The following CTNNA3 variants were observed in gnomAD, a reference collection of about 807,000 sequenced individuals.
CTNNA3 encodes catenin alpha-3.
CTNNA3 carries 76 observed loss-of-function variants against 95.7 expected under a neutral mutation model. The ratio of observed to expected loss-of-function variants is 0.79; its 90% CI spans 0.66 to 0.96. The LOEUF (loss-of-function observed/expected upper bound fraction) is 0.96. Among genes scored for constraint, CTNNA3 ranks in the 40% least tolerant of loss-of-function variants. The pLI, the probability that CTNNA3 is intolerant of heterozygous loss-of-function variation, is 0.00. For synonymous variants in CTNNA3, 431 were observed against 374.4 expected (o/e 1.15, Z -1.74); for missense variants, 1,191 against 1,089.8 (o/e 1.09, Z -1.31).
At chr10:67,586,617 C>G (rs989545533) in intron 3 of CTNNA3, among the ~76,000 whole-genome samples, 3 of 152,018 alleles carry the variant, frequency 2.0e-5, no homozygotes, top group African/African-American at 7.2e-5. Context: ...TGCAAGTACT[C>G]CTGCTTGCTT....
intron 5 of CTNNA3, among the ~76,000 whole-genome samples, chr10:67,474,721 T>C (rs1847939937): frequency 6.6e-6 from 1 of 152,176 alleles, no homozygotes. Context: ...GAGATACCAC[T>C]AAATTCTTGT....
At chr10:67,046,382 G>C (rs996664630) in intron 7 of CTNNA3, among the ~76,000 whole-genome samples, 1 of 152,172 alleles carries the variant, frequency 6.6e-6, no homozygotes, top group Non-Finnish European at 1.5e-5. Context: ...TGATCACTCA[G>C]TTATCTCTAC....
At chr10:65,975,246 C>A (rs1475418098) in intron 16 of CTNNA3, among the ~76,000 whole-genome samples, 2 of 152,078 alleles carry the variant, frequency 1.3e-5, no homozygotes, top group African/African-American at 4.8e-5. Flanking sequence ...GACAGAGACA[C>A]AATCAGACAA....
intron 10 of CTNNA3, among the ~76,000 whole-genome samples, chr10:66,604,246 G>A (rs1844034274): frequency 6.6e-6 from 1 of 151,940 alleles, no homozygotes. Context: ...CAAAAACAAA[G>A]AACAAAAACA....
chr10:66,918,539 G>A (rs1564765610), intron 7 of CTNNA3, among the ~76,000 whole-genome samples: 1 of 152,100 alleles, frequency 6.6e-6, no homozygotes, highest in Admixed American at 6.5e-5. Flanking sequence ...CTGACTATGT[G>A]CAAGTTAAAG....
chr10:66,395,943 C>T (rs1186606634), intron 11 of CTNNA3, among the ~76,000 whole-genome samples: 1 of 151,916 alleles, frequency 6.6e-6, no homozygotes, highest in Non-Finnish European at 1.5e-5. Flanking sequence ...TCCTACCCTT[C>T]CCCCTTCTGG....
At chr10:66,376,753 A>C (rs1054659401) in intron 12 of CTNNA3, among the ~76,000 whole-genome samples, 1 of 152,206 alleles carries the variant, frequency 6.6e-6, no homozygotes, top group African/African-American at 2.4e-5. Flanking sequence ...GGAAACACAG[A>C]GAAAGACAGT....
At chr10:67,301,168 C>T (rs75532832) in intron 5 of CTNNA3, among the ~76,000 whole-genome samples, 1 of 152,274 alleles carries the variant, frequency 6.6e-6, no homozygotes, top group African/African-American at 2.4e-5. Context: ...TGGAGAGCTT[C>T]GTTTGTCCAC....
At chr10:66,542,703 A>G (rs1841898511) in intron 10 of CTNNA3, among the ~76,000 whole-genome samples, 1 of 140,002 alleles carries the variant, frequency 7.1e-6, no homozygotes, top group Non-Finnish European at 1.5e-5. Context: ...ACACTTGGAC[A>G]CAGGAAGGGG....
In CTNNA3 at chr10:66,924,998, T is replaced by C. The variant is rs185167615; in HGVS notation, c.1048-149474A>G. ...TTTAGGAACCTCAGACCAAAAGAAA[T>C]TTAGGCAATTCTAATAGAACAAGCA... On this transcript the variant is annotated intron_variant, in intron 7 of 17. Coordinates refer to ENST00000433211, the MANE Select transcript of CTNNA3 (RefSeq NM_013266.4). Among the ~76,000 whole-genome samples the C allele has an allele frequency of 1.2e-4, 18 of 152,260 alleles. No homozygotes were observed. The Middle Eastern group carries it at 0.014, about 115-fold the overall frequency.
At chr10:67,045,723 G>T (rs527980343) in intron 7 of CTNNA3, among the ~76,000 whole-genome samples, 1 of 152,286 alleles carries the variant, frequency 6.6e-6, no homozygotes, top group South Asian at 2.1e-4. Context: ...CGACATCCGA[G>T]ACCAGCCAAG....
At chr10:65,952,327 C>T (rs540384885) in intron 17 of CTNNA3, among the ~76,000 whole-genome samples, 1 of 152,190 alleles carries the variant, frequency 6.6e-6, no homozygotes, top group South Asian at 2.1e-4. Context: ...TGATTACTTC[C>T]ATGTACCTCC....
chr10:66,680,320 A>G (rs1453384082), intron 9 of CTNNA3, among the ~76,000 whole-genome samples: 1 of 152,044 alleles, frequency 6.6e-6, no homozygotes, highest in African/African-American at 2.4e-5. Flanking sequence ...ATCAGCCACC[A>G]CACCTGGCCA....
At chr10:66,083,070 G>A (rs1316696903) in intron 14 of CTNNA3, among the ~76,000 whole-genome samples, 2 of 151,848 alleles carry the variant, frequency 1.3e-5, no homozygotes, top group Non-Finnish European at 2.9e-5. Context: ...TTCTTAGTGA[G>A]GAGTAAAAAG....
intron 5 of CTNNA3, among the ~76,000 whole-genome samples, chr10:67,276,255 A>G (rs1839179171): frequency 6.6e-6 from 1 of 152,152 alleles, no homozygotes; most frequent in South Asian, 2.1e-4. Flanking sequence ...CTGATTGGAG[A>G]GTATAAAAAT....
At chr10:67,624,170 G>A (rs754999836) in intron 2 of CTNNA3, among the ~76,000 whole-genome samples, 9 of 152,122 alleles carry the variant, frequency 5.9e-5, no homozygotes, top group Non-Finnish European at 1.0e-4. Context: ...ACTGGAAGGA[G>A]CTTTACTTTG....
At chr10:67,601,867 C>T (rs2133369827) in intron 3 of CTNNA3, among the ~76,000 whole-genome samples, 1 of 152,278 alleles carries the variant, frequency 6.6e-6, no homozygotes, top group East Asian at 1.9e-4. Context: ...CTTTCACCGT[C>T]TCTCCTTTAT....
At position 67,744,128 on chromosome 10, in the gene CTNNA3, T is replaced by C. The variant is rs1005095264; in HGVS notation, c.-2+19306A>G. 2.0e-5 allele frequency among the ~76,000 whole-genome samples: 3 copies of C among 151,288 alleles called. No homozygotes were observed. In the South Asian group the frequency reaches 6.4e-4, roughly 32 times the overall value. On this transcript the variant is annotated intron_variant, in intron 1 of 17. Transcript: ENST00000684154. ...ATCCCCATCAAGCTGCCAATGACTT[T>C]CTTCACAGAATTGGAAAAAACTACC...
chr10:66,699,486 C>T (rs1470818433), intron 9 of CTNNA3, among the ~76,000 whole-genome samples: 1 of 151,852 alleles, frequency 6.6e-6, no homozygotes, highest in Non-Finnish European at 1.5e-5. Context: ...TCATTAGTGA[C>T]ATTGAGCACC....
Sources: allele counts gnomAD v4.1 joint callset (sites outside exome capture counted in the v4.1 genomes callset), GRCh38; gene constraint gnomAD v4.1.1; transcripts MANE v1.5; gene names NCBI Gene and HGNC (gene_info 2026-07-23, HGNC 2026-07-21).